Variants in WASF3 observed in about 807,000 individuals in gnomAD.
WASF3 encodes the protein actin-binding protein WASF3.
Under a neutral mutation model 46.6 loss-of-function variants are expected in WASF3, and 11 were observed. The ratio of observed to expected loss-of-function variants is 0.24; its 90% confidence interval spans 0.15 to 0.39. The LOEUF is 0.39. Among genes scored for constraint, WASF3 ranks in the 10% least tolerant of loss-of-function variants. The pLI is 1.00. For missense variants in WASF3, 576 were observed against 669.8 expected, an observed-to-expected ratio of 0.86 and a Z score of 1.55; for synonymous variants, 242 against 259.7, an observed-to-expected ratio of 0.93 and a Z score of 0.65.
At chr13:26,551,228 C>T in the WASF3 span, among the ~76,000 whole-genome samples, 5 of 152,176 alleles carry the variant, frequency 3.3e-5, no homozygotes, top group African/African-American at 1.2e-4. Flanking sequence ...TCCTGTTAAG[C>T]GTGCAGAACT....
chr13:26,645,189 T>G (rs1404441356), intron 3 of WASF3, among the ~76,000 whole-genome samples: 1 of 152,120 alleles, frequency 6.6e-6, no homozygotes, highest in East Asian at 1.9e-4. Context: ...GGTCATGAGG[T>G]GGAGTCCTCA....
chr13:26,569,753 C>T (rs752643031), intron 1 of WASF3, among the ~76,000 whole-genome samples: 2 of 152,084 alleles, frequency 1.3e-5, no homozygotes, highest in Non-Finnish European at 2.9e-5. Context: ...TAGAGAACAT[C>T]TGCAGTACTA....
intron 1 of WASF3, among the ~76,000 whole-genome samples, chr13:26,582,602 G>T (rs140432323): frequency 6.7e-6 from 1 of 149,472 alleles, no homozygotes; most frequent in Non-Finnish European, 1.5e-5. Flanking sequence ...GCTTGAACCC[G>T]GGAGGTGGAG....
chr13:26,656,261 C>CT (rs1882462104), intron 3 of WASF3, among the ~76,000 whole-genome samples: 1 of 152,192 alleles, frequency 6.6e-6, no homozygotes, highest in South Asian at 2.1e-4. Flanking sequence ...AAAAAAGTTT[C>CT]TTTTAAGCTA....
chr13:26,550,797 A>T, the WASF3 span, among the ~76,000 whole-genome samples: 1 of 152,172 alleles, frequency 6.6e-6, no homozygotes, highest in Non-Finnish European at 1.5e-5. Context: ...GAGAGCCAGG[A>T]GAAACTGATC....
At chr13:26,578,984 A>G (rs952469803) in intron 1 of WASF3, among the ~76,000 whole-genome samples, 1 of 92,212 alleles carries the variant, frequency 1.1e-5, no homozygotes, top group Non-Finnish European at 2.3e-5. Flanking sequence ...TATTCTTGGG[A>G]TACATTTCCT....
chr13:26,672,316 C>G (rs1378659752), intron 6 of WASF3, among the ~76,000 whole-genome samples: 1 of 152,206 alleles, frequency 6.6e-6, no homozygotes, highest in Non-Finnish European at 1.5e-5. Context: ...AATGATCATG[C>G]AGCACAATGA....
At chr13:26,658,998 G>A (rs1882546732) in intron 3 of WASF3, among the ~76,000 whole-genome samples, 1 of 152,228 alleles carries the variant, frequency 6.6e-6, no homozygotes, top group African/African-American at 2.4e-5. Context: ...CCTTGTCTTT[G>A]TGGATCATAT....
chr13:26,585,238 A>G, intron 1 of WASF3, among the ~76,000 whole-genome samples: 1 of 147,192 alleles, frequency 6.8e-6, no homozygotes, highest in East Asian at 1.9e-4. Flanking sequence ...AATGATGGAA[A>G]TCCAGATGGT....
chr13:26,602,506 G>A (rs1361362910), intron 1 of WASF3, among the ~76,000 whole-genome samples: 2 of 152,156 alleles, frequency 1.3e-5, no homozygotes, highest in African/African-American at 4.8e-5. Flanking sequence ...GTTTTGACTA[G>A]AGGCTCAGGA....
At chr13:26,660,194 G>GTTTTTTTTT (rs71080285) in intron 3 of WASF3, among the ~76,000 whole-genome samples, 14 of 43,376 alleles carry the variant, frequency 3.2e-4, no homozygotes, top group African/African-American at 1.0e-3. Flanking sequence ...TTTTTGTTTG[G>GTTTTTTTTT]TTTTTTTTTT....
At chr13:26,544,884 G>A in the WASF3 span, among the ~76,000 whole-genome samples, 4 of 152,214 alleles carry the variant, frequency 2.6e-5, no homozygotes, top group African/African-American at 9.6e-5. Flanking sequence ...TTTTCTGACT[G>A]TTCCCTTTCT....
chr13:26,651,061 C>T (rs975113093), intron 3 of WASF3, among the ~76,000 whole-genome samples: 1 of 152,132 alleles, frequency 6.6e-6, no homozygotes, highest in Admixed American at 6.5e-5. Context: ...AAGAAAACCA[C>T]GTCATAATAA....
At position 26,668,330 on chromosome 13, in the gene WASF3, G is replaced by C. The variant is rs186476733; in HGVS notation, c.422+660G>C. ...CTTCCCATACCTGCTGTCACCTCTTGTCCCATATCCCTCTTTCACACACTG... is the reference window on the plus strand; with the variant it reads ...CTTCCCATACCTGCTGTCACCTCTTCTCCCATATCCCTCTTTCACACACTG... On this transcript the variant is annotated intron_variant, in intron 5 of 9. Transcript: ENST00000335327. Among the ~76,000 whole-genome samples the C allele has an allele frequency of 2.4e-3, 365 of 152,292 alleles. 3 individuals carry two copies. The highest frequency in any genetic ancestry group is 8.5e-3 in the African/African-American group (353 of 41,550).
upstream of WASF3, among the ~76,000 whole-genome samples, chr13:26,554,072 CT>C (rs1566032392): frequency 3.3e-4 from 28 of 85,332 alleles, 1 homozygote; most frequent in African/African-American, 1.4e-3. Flanking sequence ...TCCTTCCTTC[CT>C]TCCTTCCTTC....
At chr13:26,685,092 A>C (rs1883362123) in intron 9 of WASF3, among the ~76,000 whole-genome samples, 1 of 151,770 alleles carries the variant, frequency 6.6e-6, no homozygotes, top group Non-Finnish European at 1.5e-5. Flanking sequence ...AATCTCAAAA[A>C]AAAAAAAAAA....
upstream of WASF3, among the ~76,000 whole-genome samples, chr13:26,554,074 T>TC (rs1879033135): frequency 9.5e-6 from 1 of 105,060 alleles, no homozygotes; most frequent in African/African-American, 4.0e-5. Context: ...CTTCCTTCCT[T>TC]CCTTCCTTCC....
the WASF3 span, among the ~76,000 whole-genome samples, chr13:26,542,884 G>A: frequency 6.6e-6 from 1 of 152,282 alleles, no homozygotes; most frequent in Non-Finnish European, 1.5e-5. Context: ...TTTTTTAAAT[G>A]TCACTTTTCG....
rs1201096604 is a variant in WASF3, at chr13:26,612,953, C to G, written c.-108-8C>G. The G allele has an allele frequency of 6.6e-6, 1 of 151,728 alleles. No homozygotes were observed. Among genetic ancestry groups the G allele is most frequent in the Non-Finnish European group, 1.5e-5 (1 of 67,910 alleles). 9.4% of individuals were successfully genotyped at this position (151,728 alleles called of 1,614,324 possible). On this transcript the variant is annotated splice_region_variant and splice_polypyrimidine_tract_variant and intron_variant, in intron 1 of 9. Coordinates refer to ENST00000335327, the MANE Select transcript of WASF3 (RefSeq NM_006646.6). ...ACTGGTAATTAATTTTTTTTCTTTT[C>G]TTTGTAGTTTTAGTTTTGATTGCTG...
Sources: allele counts gnomAD v4.1 joint callset (sites outside exome capture counted in the v4.1 genomes callset), GRCh38; gene constraint gnomAD v4.1.1; transcripts MANE v1.5; gene names NCBI Gene and HGNC (gene_info 2026-07-23, HGNC 2026-07-21).